RBFOX1: variants seen among roughly 807,000 people sequenced by gnomAD.
RBFOX1 encodes RNA binding protein fox-1 homolog 1.
RBFOX1 carries 8 observed loss-of-function variants against 57.7 expected under a neutral mutation model. The ratio of observed to expected loss-of-function variants is 0.14; its 90% CI spans 0.08 to 0.25. The LOEUF is 0.25. RBFOX1 is among the 10% of genes least tolerant of loss of function. The probability of loss-of-function intolerance (pLI) is 1.00; values close to 1 mark genes in which losing one functional copy is unlikely to be tolerated. For missense variants in RBFOX1, 611 were observed against 548.5 expected (o/e 1.11, Z -1.14); for synonymous variants, 326 against 222.4 (o/e 1.47, Z -4.15).
chr16:6,426,547 C>A (rs1175611705), intron 2 of RBFOX1, among the ~76,000 whole-genome samples: 2 of 152,058 alleles, frequency 1.3e-5, no homozygotes, highest in African/African-American at 4.8e-5. Context: ...GGGAGGATCT[C>A]TTGAGCCCAG....
chr16:6,856,592 C>G (rs956097040), intron 3 of RBFOX1, among the ~76,000 whole-genome samples: 1 of 152,104 alleles, frequency 6.6e-6, no homozygotes. Flanking sequence ...TCCCTTCAGG[C>G]CACCGTGGAA....
chr16:6,998,357 A>T (rs949160571), intron 3 of RBFOX1, among the ~76,000 whole-genome samples: 1 of 152,208 alleles, frequency 6.6e-6, no homozygotes, highest in African/African-American at 2.4e-5. Context: ...ACATGAATCC[A>T]AGAAATAATA....
intron 3 of RBFOX1, among the ~76,000 whole-genome samples, chr16:5,621,498 A>G (rs1318319546): frequency 3.3e-5 from 5 of 152,168 alleles, no homozygotes; most frequent in African/African-American, 7.2e-5. Context: ...TGGTTGACCT[A>G]TCAACCACGG....
At chr16:5,837,413 C>A (rs549138723) in intron 3 of RBFOX1, among the ~76,000 whole-genome samples, 51 of 152,050 alleles carry the variant, frequency 3.4e-4, no homozygotes, top group Non-Finnish European at 3.7e-4. Context: ...TTGTCCCAGT[C>A]CAAGTCTGAC....
intron 3 of RBFOX1, among the ~76,000 whole-genome samples, chr16:6,935,682 A>C (rs1442637194): frequency 6.6e-6 from 1 of 152,172 alleles, no homozygotes. Flanking sequence ...CCTTATTCAA[A>C]GGGTGATTAG....
At chr16:5,729,241 G>A (rs1016500835) in intron 3 of RBFOX1, among the ~76,000 whole-genome samples, 1 of 152,178 alleles carries the variant, frequency 6.6e-6, no homozygotes, top group Non-Finnish European at 1.5e-5. Context: ...GTATGAACAT[G>A]GAGATGCTTC....
At chr16:6,356,310 C>G (rs913019647) in intron 2 of RBFOX1, among the ~76,000 whole-genome samples, 1 of 152,168 alleles carries the variant, frequency 6.6e-6, no homozygotes, top group Non-Finnish European at 1.5e-5. Flanking sequence ...AGATCAGGGT[C>G]ACGTCAGCCA....
At chr16:6,498,525 A>G (rs1316786563) in intron 2 of RBFOX1, among the ~76,000 whole-genome samples, 3 of 152,132 alleles carry the variant, frequency 2.0e-5, no homozygotes, top group Non-Finnish European at 2.9e-5. Context: ...TTTTAGACCC[A>G]TAGATTTTGC....
chr16:7,436,051 T>C (rs1164556204), intron 4 of RBFOX1, among the ~76,000 whole-genome samples: 1 of 152,158 alleles, frequency 6.6e-6, no homozygotes, highest in Non-Finnish European at 1.5e-5. Context: ...TCCCTGAACA[T>C]CGTGAGAATT....
At chr16:6,426,954 G>A (rs1460830310) in intron 2 of RBFOX1, among the ~76,000 whole-genome samples, 1 of 152,056 alleles carries the variant, frequency 6.6e-6, no homozygotes, top group Non-Finnish European at 1.5e-5. Flanking sequence ...TCAGTGTTTT[G>A]CCTTTTCAGT....
At chr16:6,143,981 A>C (rs867791640) in intron 1 of RBFOX1, among the ~76,000 whole-genome samples, 10 of 149,796 alleles carry the variant, frequency 6.7e-5, no homozygotes, top group South Asian at 4.2e-4. Context: ...ATATATATAT[A>C]TCTCTACCTA....
At chr16:6,787,096 C>G (rs2082093824) in intron 3 of RBFOX1, among the ~76,000 whole-genome samples, 1 of 152,088 alleles carries the variant, frequency 6.6e-6, no homozygotes, top group African/African-American at 2.4e-5. Flanking sequence ...TAGATTGTAC[C>G]TTCACCGAAA....
At chr16:5,406,858 G>C (rs949078367) in intron 1 of RBFOX1, among the ~76,000 whole-genome samples, 3 of 152,180 alleles carry the variant, frequency 2.0e-5, no homozygotes, top group African/African-American at 7.2e-5. Context: ...GCACTCACCA[G>C]CGTGAAGAGT....
intron 4 of RBFOX1, among the ~76,000 whole-genome samples, chr16:7,516,440 T>A (rs1428340534): frequency 6.6e-6 from 1 of 152,218 alleles, no homozygotes; most frequent in Non-Finnish European, 1.5e-5. Flanking sequence ...AAAGTGGGAC[T>A]GTCCCCCAAA....
At chr16:6,337,048 C>G (rs2083861088) in intron 2 of RBFOX1, among the ~76,000 whole-genome samples, 1 of 152,040 alleles carries the variant, frequency 6.6e-6, no homozygotes, top group Admixed American at 6.6e-5. Flanking sequence ...TCAATCTGAC[C>G]CATTTTTTGG....
At chr16:5,684,641 C>T (rs1487168200) in intron 3 of RBFOX1, among the ~76,000 whole-genome samples, 1 of 152,144 alleles carries the variant, frequency 6.6e-6, no homozygotes, top group African/African-American at 2.4e-5. Flanking sequence ...TTAAATGGGA[C>T]CCAAAGTTTG....
chr16:5,622,586 CAAGGGTTGGCA>C (rs2048231537), intron 3 of RBFOX1, among the ~76,000 whole-genome samples: 1 of 152,144 alleles, frequency 6.6e-6, no homozygotes, highest in Admixed American at 6.5e-5. Flanking sequence ...TTGCTTAGAC[CAAGGGTTGGCA>C]AACTTCAGCC....
intron 1 of RBFOX1, among the ~76,000 whole-genome samples, chr16:5,286,999 T>C (rs1205631689): frequency 6.6e-6 from 1 of 152,146 alleles, no homozygotes; most frequent in East Asian, 1.9e-4. Flanking sequence ...CAGAATAAAA[T>C]AGGGTTTCTA....
intron 3 of RBFOX1, among the ~76,000 whole-genome samples, chr16:6,991,767 G>A (rs1021368822): frequency 2.0e-5 from 3 of 152,002 alleles, no homozygotes; most frequent in Admixed American, 2.0e-4. Context: ...GAACTCCTGA[G>A]CCCAAGCAAT....
Sources: allele counts gnomAD v4.1 joint callset (sites outside exome capture counted in the v4.1 genomes callset), GRCh38; gene constraint gnomAD v4.1.1; transcripts MANE v1.5; gene names NCBI Gene and HGNC (gene_info 2026-07-23, HGNC 2026-07-21).